The following ANKRD11 variants were observed in gnomAD, a reference collection of about 807,000 sequenced individuals.
ANKRD11 encodes ankyrin repeat domain 11, also known as ankyrin repeat domain-containing protein 11.
ANKRD11 carries 17 observed loss-of-function variants against 195.7 expected under a neutral mutation model. The ratio of observed to expected loss-of-function variants is 0.09; its 90% CI spans 0.06 to 0.13. The LOEUF is 0.13. Ranked by LOEUF, ANKRD11 falls within the 10% of genes least tolerant of loss-of-function variation. The pLI is 1.00. For missense variants in ANKRD11, 3,735 were observed against 3,566.1 expected, an observed-to-expected ratio of 1.05 and a Z score of -1.21; for synonymous variants, 1,953 against 1,528.1, an observed-to-expected ratio of 1.28 and a Z score of -6.49.
chr16:89,410,083 C>T (rs535719232), intron 2 of ANKRD11, among the ~76,000 whole-genome samples: 3 of 152,200 alleles, frequency 2.0e-5, no homozygotes, highest in South Asian at 2.1e-4. Flanking sequence ...TCGTGATCCG[C>T]CCGCCTCGGC....
intron 2 of ANKRD11, among the ~76,000 whole-genome samples, chr16:89,381,006 G>A (rs977073372): frequency 1.3e-5 from 2 of 152,140 alleles, no homozygotes; most frequent in African/African-American, 4.8e-5. Context: ...CTGAGCACAC[G>A]GTAAACAATC....
chr16:89,391,095 G>A (rs2041173046), intron 2 of ANKRD11, among the ~76,000 whole-genome samples: 1 of 152,112 alleles, frequency 6.6e-6, no homozygotes, highest in South Asian at 2.1e-4. Flanking sequence ...GGGCGCGGTG[G>A]TGGGCGCCTG....
At chr16:89,367,027 C>G (rs2039976857) in intron 2 of ANKRD11, among the ~76,000 whole-genome samples, 1 of 152,220 alleles carries the variant, frequency 6.6e-6, no homozygotes, top group Non-Finnish European at 1.5e-5. Flanking sequence ...AGTGTGCAGG[C>G]TGGATGCCCA....
intron 2 of ANKRD11, among the ~76,000 whole-genome samples, chr16:89,353,671 G>C (rs2039326664): frequency 1.3e-5 from 2 of 152,104 alleles, no homozygotes; most frequent in South Asian, 2.1e-4. Context: ...GTAGAGACAG[G>C]GTTTCATCAT....
chr16:89,418,182 G>C, intron 2 of ANKRD11, 102 bp downstream of exon 2: 1 of 428,510 alleles, frequency 2.3e-6, no homozygotes, highest in South Asian at 1.6e-5. Context: ...ACTCTATCAA[G>C]TCCAAGAAAA....
intron 2 of ANKRD11, chr16:89,321,106 C>T (rs984853608): frequency 1.3e-5 from 2 of 152,666 alleles, no homozygotes; most frequent in African/African-American, 4.8e-5. Flanking sequence ...GCGCCCTCCC[C>T]CTCCGCACAC....
At chr16:89,288,704 A>G (rs780933633) in intron 6 of ANKRD11, 34 bp from the exon 7 acceptor site, 1 of 1,613,694 alleles carries the variant, frequency 6.2e-7, no homozygotes, top group South Asian at 1.1e-5. Flanking sequence ...ACGTTATTTA[A>G]TCCTCAGAAC....
chr16:89,364,231 C>G (rs2039855559), intron 2 of ANKRD11, among the ~76,000 whole-genome samples: 1 of 152,232 alleles, frequency 6.6e-6, no homozygotes, highest in Non-Finnish European at 1.5e-5. Context: ...TGGGGGCCCA[C>G]ACAGACTGAA....
At chr16:89,370,222 CG>C (rs913045830) in intron 2 of ANKRD11, among the ~76,000 whole-genome samples, 1 of 152,206 alleles carries the variant, frequency 6.6e-6, no homozygotes, top group African/African-American at 2.4e-5. Context: ...AGGACTCAGG[CG>C]AGGGGAGCCC....
At chr16:89,372,756 G>C (rs2040249955) in intron 2 of ANKRD11, 1 of 152,186 alleles carries the variant, frequency 6.6e-6, no homozygotes, top group South Asian at 2.1e-4. Context: ...CTCAGATTTT[G>C]TGACTGAAGA....
intron 1 of ANKRD11, among the ~76,000 whole-genome samples, chr16:89,455,778 G>A (rs1031251305): frequency 6.6e-5 from 10 of 152,114 alleles, no homozygotes; most frequent in African/African-American, 2.4e-4. Flanking sequence ...GACCTATCTG[G>A]TAGGAATGTA....
chr16:89,435,796 T>TCACACACACA lies in ANKRD11; in HGVS notation c.-144-17438_-144-17429dup, dbSNP rs58503159. ...TGACGCACCCACAGCCACCAGCTCTTCACACACACACACACACACACACAC... is the reference window on the plus strand; with the variant it reads ...TGACGCACCCACAGCCACCAGCTCTTCACACACACACACACACACACACACACACACACAC... On this transcript the variant is annotated intron_variant, in intron 1 of 12. Transcript: ENST00000301030. Among the ~76,000 whole-genome samples the TCACACACACA allele has an allele frequency of 8.1e-3, 1,164 of 143,084 alleles. 10 individuals are homozygous for TCACACACACA. Among genetic ancestry groups the TCACACACACA allele is most frequent in the Middle Eastern group, 0.014 (4 of 288 alleles). The allele number at this position is 143,084 out of a possible 152,430, so 93.9% of individuals were successfully genotyped here. A position where few individuals can be genotyped will look rare whatever the true frequency, so the allele number is the denominator to read the frequency against.
chr16:89,426,566 CAA>C (rs909601304), intron 1 of ANKRD11, among the ~76,000 whole-genome samples: 1 of 151,296 alleles, frequency 6.6e-6, no homozygotes, highest in African/African-American at 2.4e-5. Context: ...CACACACACA[CAA>C]ATCTGAAATC....
intron 2 of ANKRD11, among the ~76,000 whole-genome samples, chr16:89,417,577 C>A (rs1164697518): frequency 1.3e-5 from 2 of 152,174 alleles, no homozygotes; most frequent in Non-Finnish European, 2.9e-5. Flanking sequence ...GGCTGGCGAA[C>A]CAGGCTCCCA....
intron 1 of ANKRD11, among the ~76,000 whole-genome samples, chr16:89,448,841 G>T (rs1033092584): frequency 6.6e-6 from 1 of 152,124 alleles, no homozygotes; most frequent in African/African-American, 2.4e-5. Flanking sequence ...TGCGGGCAGG[G>T]CAGGAGAGCT....
In ANKRD11 at chr16:89,375,550, C is replaced by T. The variant is rs577531405; in HGVS notation, c.-60+42734G>A. Among the ~76,000 whole-genome samples the T allele has an allele frequency of 1.9e-3, 282 of 152,212 alleles. 1 individual carries two copies. Among genetic ancestry groups the T allele is most frequent in the South Asian group, 8.9e-3 (43 of 4,816 alleles). On this transcript the variant is annotated intron_variant, in intron 2 of 12. Transcript: ENST00000301030. ...TCTTGGCTCGCTGCAACCTCTGCCT[C>T]CCAGGCCCAAGCGATTCTCCTGTCT...
chr16:89,347,904 G>A (rs1204837197), intron 2 of ANKRD11, among the ~76,000 whole-genome samples: 2 of 151,746 alleles, frequency 1.3e-5, no homozygotes, highest in African/African-American at 4.8e-5. Flanking sequence ...TTCTTACTTT[G>A]CAGAGCACTT....
chr16:89,349,148 A>AAAACAAAAC (rs2039084260), intron 2 of ANKRD11, among the ~76,000 whole-genome samples: 2 of 144,402 alleles, frequency 1.4e-5, no homozygotes, highest in African/African-American at 5.1e-5. Context: ...AAAAAAAAAA[A>AAAACAAAAC]AAAAAAAAAA....
At chr16:89,461,175 G>A (rs1321937974) in intron 1 of ANKRD11, among the ~76,000 whole-genome samples, 1 of 91,434 alleles carries the variant, frequency 1.1e-5, no homozygotes, top group South Asian at 4.2e-4. Context: ...GACAAATATC[G>A]TATGACCCCC....
Sources: allele counts gnomAD v4.1 joint callset (sites outside exome capture counted in the v4.1 genomes callset), GRCh38; gene constraint gnomAD v4.1.1; transcripts MANE v1.5; gene names NCBI Gene and HGNC (gene_info 2026-07-23, HGNC 2026-07-21).